Variants in SHLD2 observed in about 807,000 individuals in gnomAD.
SHLD2 encodes the protein RINN1-REV7-interacting novel NHEJ regulator 2.
SHLD2 carries 30 observed loss-of-function variants against 73.2 expected under a neutral mutation model. That is an observed-to-expected ratio of 0.41 (90% CI 0.31 to 0.56). The LOEUF is 0.56. Among genes scored for constraint, SHLD2 ranks in the 20% least tolerant of loss-of-function variants. SHLD2 has a pLI of 0.28. For missense variants in SHLD2, 745 were observed against 1,055.9 expected (o/e 0.71, Z 4.08); for synonymous variants, 285 against 370.1 (o/e 0.77, Z 2.64).
chr10:87,152,131 T>G lies in SHLD2; in HGVS notation c.777T>G (p.Asp259Glu). ...SQVAFLAQKKDKRRSPVNKGN... is the reference protein window; with the variant it reads ...SQVAFLAQKKEKRRSPVNKGN... ...TTGCTTTTTTAGCTCAAAAGAAAGA[T>G]AAAAGGCGGAGTCCTGTAAATAAAG... Residue 259 changes from aspartate to glutamate, a missense_variant, in exon 3 of 10, where the codon GAT (aspartate) becomes GAG (glutamate). Around this residue, in one of 5 missense-constraint regions of SHLD2, gnomAD observed 280 missense variants for 353.9 expected, o/e 0.79. Coordinates refer to ENST00000298786, the MANE Select transcript of SHLD2 (RefSeq NM_001330112.2). 3.7e-6 allele frequency: 6 copies of G among 1,611,718 alleles called. No homozygotes were observed. Among genetic ancestry groups the G allele is most frequent in the Non-Finnish European group, 5.1e-6 (6 of 1,179,774 alleles).
chr10:87,190,940 C>A lies in SHLD2; in HGVS notation c.*257C>A, dbSNP rs1264122655. 1.6e-5 allele frequency: 8 copies of A among 500,828 alleles called. No homozygotes were observed. Among genetic ancestry groups the A allele is most frequent in the Non-Finnish European group, 2.9e-5 (8 of 279,672 alleles). 31.0% of individuals were successfully genotyped at this position (500,828 alleles called of 1,614,324 possible). ...AGTCAAGGCAATATGTAGCAGATCCCTGGGAATTAAAGGTTTGCCCATTTG... is the reference window on the plus strand; with the variant it reads ...AGTCAAGGCAATATGTAGCAGATCCATGGGAATTAAAGGTTTGCCCATTTG... On this transcript the variant is annotated 3_prime_UTR_variant, in exon 10 of 10. Coordinates refer to ENST00000298786, the MANE Select transcript of SHLD2 (RefSeq NM_001330112.2).
At chr10:87,170,390 CAT>C (rs1589633648) in intron 4 of SHLD2, 86 bp from the exon 5 acceptor site, 1 of 909,366 alleles carries the variant, frequency 1.1e-6, no homozygotes, top group East Asian at 2.7e-5. Flanking sequence ...TACTTTACAA[CAT>C]AAAATACAGT....
At chr10:87,176,546 A>G (rs1434633759) in intron 7 of SHLD2, among the ~76,000 whole-genome samples, 1 of 152,266 alleles carries the variant, frequency 6.6e-6, no homozygotes, top group Non-Finnish European at 1.5e-5. Context: ...AAATATCTGA[A>G]CTAGATTCCA....
Position 87,170,805 on chromosome 10 carries a change from T to C in SHLD2, c.1829-35T>C, listed in dbSNP as rs570382405. 9.2e-4 allele frequency: 1,478 copies of C among 1,612,620 alleles called. 20 individuals are homozygous for C. The highest frequency in any genetic ancestry group is 6.7e-5 in the Non-Finnish European group (79 of 1,179,800). ...AAGTATGGTATCACGTGTGATAGAG[T>C]AATGCCAACTAAGGTACTCATTTTC... On this transcript the variant is annotated intron_variant, in intron 5 of 9. Coordinates refer to ENST00000298786, the MANE Select transcript of SHLD2 (RefSeq NM_001330112.2).
chr10:87,124,746 G>GTTT (rs201784628), intron 2 of SHLD2, among the ~76,000 whole-genome samples: 10 of 129,482 alleles, frequency 7.7e-5, no homozygotes, highest in Non-Finnish European at 1.5e-4. Flanking sequence ...TAAAAAAATT[G>GTTT]TTTTTTTTTT....
chr10:87,127,529 G>GCCCCCC (rs1225003390), intron 2 of SHLD2, among the ~76,000 whole-genome samples: 1 of 24,372 alleles, frequency 4.1e-5, no homozygotes. Context: ...CCTCTTACCC[G>GCCCCCC]CCCCCCCCCA....
intron 9 of SHLD2, among the ~76,000 whole-genome samples, chr10:87,190,093 C>T (rs1016887577): frequency 6.6e-6 from 1 of 152,196 alleles, no homozygotes; most frequent in African/African-American, 2.4e-5. Context: ...GAGTCTTGCT[C>T]TGTTGCCCAG....
At chr10:87,120,909 G>A (rs1342407035) in intron 2 of SHLD2, among the ~76,000 whole-genome samples, 3 of 151,904 alleles carry the variant, frequency 2.0e-5, no homozygotes, top group Non-Finnish European at 4.4e-5. Context: ...AATTAGCTGG[G>A]TGTGGTGGTG....
intron 2 of SHLD2, among the ~76,000 whole-genome samples, chr10:87,125,788 G>A (rs1314680804): frequency 9.9e-5 from 15 of 152,046 alleles, no homozygotes; most frequent in African/African-American, 2.7e-4. Flanking sequence ...TTAGCTGGGC[G>A]TGGTGGCGGG....
intron 3 of SHLD2, among the ~76,000 whole-genome samples, chr10:87,155,069 G>C (rs1589589407): frequency 6.6e-6 from 1 of 152,050 alleles, no homozygotes; most frequent in East Asian, 1.9e-4. Context: ...TGAATAGCTG[G>C]GACTACAGGC....
chr10:87,099,359 A>G (rs995865666), intron 2 of SHLD2, among the ~76,000 whole-genome samples: 1 of 152,238 alleles, frequency 6.6e-6, no homozygotes, highest in Non-Finnish European at 1.5e-5. Context: ...GTAAAAATAT[A>G]CTTTCTACTT....
At chr10:87,148,557 G>GT (rs1480572059) in intron 2 of SHLD2, among the ~76,000 whole-genome samples, 54 of 128,776 alleles carry the variant, frequency 4.2e-4, no homozygotes, top group African/African-American at 1.5e-3. Flanking sequence ...AAACAAGTTT[G>GT]TGGGGGGGCG....
chr10:87,184,035 A>C (rs1321239624), intron 8 of SHLD2, among the ~76,000 whole-genome samples: 1 of 152,116 alleles, frequency 6.6e-6, no homozygotes, highest in Non-Finnish European at 1.5e-5. Flanking sequence ...TCTTTGCTTG[A>C]CGTCCATCTC....
chr10:87,184,036 C>T (rs3129424), intron 8 of SHLD2, among the ~76,000 whole-genome samples: 5 of 152,300 alleles, frequency 3.3e-5, no homozygotes, highest in South Asian at 2.1e-4. Context: ...CTTTGCTTGA[C>T]GTCCATCTCA....
chr10:87,115,887 G>T (rs931325792), intron 2 of SHLD2, among the ~76,000 whole-genome samples: 1 of 152,110 alleles, frequency 6.6e-6, no homozygotes, highest in Admixed American at 6.6e-5. Context: ...AGAGGTGGAA[G>T]GAGGAGTAGG....
At chr10:87,149,983 C>T (rs1845895195) in intron 2 of SHLD2, among the ~76,000 whole-genome samples, 1 of 151,934 alleles carries the variant, frequency 6.6e-6, no homozygotes, top group Non-Finnish European at 1.5e-5. Flanking sequence ...CTCCTGGTCT[C>T]AAGTGATCCT....
chr10:87,171,006 A>G (rs1253860532), intron 6 of SHLD2, 32 bp downstream of exon 6: 2 of 1,045,764 alleles, frequency 1.9e-6, no homozygotes, highest in Non-Finnish European at 2.9e-6. Flanking sequence ...TAACCTATTT[A>G]TATTTCGGTA....
intron 2 of SHLD2, among the ~76,000 whole-genome samples, chr10:87,132,468 G>A (rs1844497039): frequency 6.6e-6 from 1 of 152,146 alleles, no homozygotes; most frequent in Non-Finnish European, 1.5e-5. Context: ...TGTATTTGTT[G>A]TTATTAATAT....
chr10:87,180,126 C>T lies in SHLD2; in HGVS notation c.2222C>T (p.Ala741Val), dbSNP rs143248650. 6 of 1,613,782 alleles carry T rather than the reference C, an allele frequency of 3.7e-6. No homozygotes were observed. The African/African-American group carries it at 8.0e-5, about 22-fold the overall frequency. Residue 741 changes from alanine to valine, a missense_variant, in exon 8 of 10, where the codon GCA becomes GTA. This residue lies in a region of SHLD2 where 418 missense variants were observed against 567.8 expected (regional missense o/e 0.74). Transcript: ENST00000298786. Reference sequence around the variant, plus strand: ...TCAGAGCTGGCATTTCCTATTACAGCATCTCAGAAGATAGCGCTAAATGCT... The same window carrying T: ...TCAGAGCTGGCATTTCCTATTACAGTATCTCAGAAGATAGCGCTAAATGCT... ...QISELAFPIT[A>V]SQKIALNAHS... is the part of the protein sequence containing the mutation.
Sources: allele counts gnomAD v4.1 joint callset (sites outside exome capture counted in the v4.1 genomes callset), GRCh38; gene constraint gnomAD v4.1.1; regional missense constraint gnomAD v4.1.1; transcripts MANE v1.5; gene names NCBI Gene and HGNC (gene_info 2026-07-23, HGNC 2026-07-21).